The following DIS3L2 variants were observed in gnomAD, a reference collection of about 807,000 sequenced individuals.
The protein encoded by DIS3L2 is DIS3 like 3'-5' exoribonuclease 2.
Under a neutral mutation model 97.5 loss-of-function variants are expected in DIS3L2, and 34 were observed. That is an observed-to-expected ratio of 0.35 (90% CI 0.27 to 0.46). The LOEUF (loss-of-function observed/expected upper bound fraction) is 0.46, where lower values mean the gene tolerates loss of function less well. Among genes scored for constraint, DIS3L2 ranks in the 20% least tolerant of loss-of-function variants. The probability of loss-of-function intolerance (pLI) is 1.00; values close to 1 mark genes in which losing one functional copy is unlikely to be tolerated. For synonymous variants in DIS3L2, 435 were observed against 445.2 expected (o/e 0.98, Z 0.29); for missense variants, 1,038 against 1,146.0 (o/e 0.91, Z 1.36).
Position 231,966,641 on chromosome 2 carries a change from A to ATTTTTTTTTTTTTT in DIS3L2, c.-94+4897_-94+4910dup, listed in dbSNP as rs36151054. Among the ~76,000 whole-genome samples, 30 of 50,388 alleles carry ATTTTTTTTTTTTTT rather than the reference A, an allele frequency of 6.0e-4. 1 individual carries two copies. Among genetic ancestry groups the ATTTTTTTTTTTTTT allele is most frequent in the Non-Finnish European group, 7.5e-4 (21 of 27,938 alleles). The allele number at this position is 50,388 out of a possible 152,430, so 33.1% of individuals were successfully genotyped here. ...CACCATGCCCAGCTAGTTAAAAAAC[A>ATTTTTTTTTTTTTT]TTTTTTTTTTTTTTTTTTTTTTTTT... On this transcript the variant is annotated intron_variant, in intron 1 of 20. Coordinates refer to ENST00000325385, the MANE Select transcript of DIS3L2 (RefSeq NM_152383.5).
chr2:232,254,765 T>C (rs775139745), intron 12 of DIS3L2, among the ~76,000 whole-genome samples: 1 of 152,218 alleles, frequency 6.6e-6, no homozygotes, highest in Non-Finnish European at 1.5e-5. Flanking sequence ...AGGTAGTGTC[T>C]GGTGCCCAGG....
rs564154963 is a variant in DIS3L2, at chr2:232,015,021, C to CTGAA, written c.52+43_52+46dup. The CTGAA allele has an allele frequency of 1.1e-4, 180 of 1,607,882 alleles. 1 individual carries two copies. The South Asian group carries it at 1.7e-3, about 15-fold the overall frequency. ...GGAGTCTGCCTGAATAACTGGAGAA[C>CTGAA]TGAAATGAAAGTGGAATGGGTGTGA... On this transcript the variant is annotated intron_variant, in intron 2 of 20. Transcript: ENST00000325385.
At chr2:231,982,605 A>G (rs988919369) in intron 1 of DIS3L2, among the ~76,000 whole-genome samples, 1 of 151,610 alleles carries the variant, frequency 6.6e-6, no homozygotes, top group Admixed American at 6.6e-5. Context: ...TCTTTTTTCT[A>G]TTGATCTGAA....
chr2:231,981,596 T>TTTTA (rs1559512307), intron 1 of DIS3L2, among the ~76,000 whole-genome samples: 1 of 48,004 alleles, frequency 2.1e-5, no homozygotes, highest in Admixed American at 3.1e-4. Flanking sequence ...CTGTTAAGTA[T>TTTTA]TTTATATATA....
intron 6 of DIS3L2, among the ~76,000 whole-genome samples, chr2:232,095,964 CTCTTT>C (rs139671611): frequency 0.011 from 1,696 of 151,726 alleles, 18 homozygotes; most frequent in Non-Finnish European, 0.016. Flanking sequence ...TTGTTTCTCT[CTCTTT>C]TCTTTTCTTT....
At chr2:231,962,788 A>G (rs1692605564) in intron 1 of DIS3L2, among the ~76,000 whole-genome samples, 1 of 152,118 alleles carries the variant, frequency 6.6e-6, no homozygotes, top group Non-Finnish European at 1.5e-5. Flanking sequence ...TCCCACTTGT[A>G]AGTGTGCTCA....
intron 7 of DIS3L2, among the ~76,000 whole-genome samples, chr2:232,135,331 G>C (rs752187773): frequency 1.1e-3 from 164 of 152,234 alleles, no homozygotes; most frequent in Middle Eastern, 6.8e-3. Flanking sequence ...GAAGAGTAAA[G>C]GTCTGGGTGT....
intron 13 of DIS3L2, among the ~76,000 whole-genome samples, chr2:232,286,161 C>A (rs1650716549): frequency 6.6e-6 from 1 of 152,168 alleles, no homozygotes; most frequent in Non-Finnish European, 1.5e-5. Flanking sequence ...CATCTGTTGA[C>A]CCAGCAGGGC....
chr2:231,993,053 G>A (rs1693628073), intron 1 of DIS3L2, among the ~76,000 whole-genome samples: 1 of 152,082 alleles, frequency 6.6e-6, no homozygotes, highest in Non-Finnish European at 1.5e-5. Flanking sequence ...TTTGCTGTCA[G>A]CCCAGATGTT....
intron 8 of DIS3L2, among the ~76,000 whole-genome samples, chr2:232,156,446 CCTT>C (rs1447576905): frequency 6.6e-6 from 1 of 150,606 alleles, no homozygotes; most frequent in African/African-American, 2.4e-5. Flanking sequence ...ATTGTTTTGT[CCTT>C]CTGCCATTTC....
At chr2:232,078,118 A>G (rs1696271359) in intron 5 of DIS3L2, among the ~76,000 whole-genome samples, 1 of 149,394 alleles carries the variant, frequency 6.7e-6, no homozygotes, top group African/African-American at 2.5e-5. Context: ...ATCTTGGCTC[A>G]CTGCAACCAC....
intron 14 of DIS3L2, among the ~76,000 whole-genome samples, chr2:232,316,588 G>T (rs1488197842): frequency 6.6e-6 from 1 of 152,154 alleles, no homozygotes; most frequent in Non-Finnish European, 1.5e-5. Context: ...GGGAGGAAAG[G>T]CTCTGAGTGA....
At position 232,334,455 on chromosome 2, in the gene DIS3L2, G is replaced by A. The variant is rs755574750; in HGVS notation, c.2245G>A (p.Val749Met). The A allele has an allele frequency of 7.5e-5, 121 of 1,613,814 alleles. No individual in the cohort carries two copies. The highest frequency in any genetic ancestry group is 2.2e-4 in the South Asian group (20 of 91,090). The change falls in exon 18 of 21, where the codon GTG becomes ATG. Residue 749 changes from valine (V) to methionine (M), a missense_variant. Physicochemically the swap from Val to Met is conservative, Grantham distance 21 (BLOSUM62 1). Transcript: ENST00000325385. Reference protein sequence around the residue: ...CNDRRMASKRVQELSTSLFFA... With the variant: ...CNDRRMASKRMQELSTSLFFA... ...CGACCGCCGCATGGCGTCCAAGCGCGTGCAGGAGCTCAGTACCAGTCTCTT... is the reference window on the plus strand; with the variant it reads ...CGACCGCCGCATGGCGTCCAAGCGCATGCAGGAGCTCAGTACCAGTCTCTT...
At chr2:232,049,391 A>C (rs981716140) in intron 5 of DIS3L2, among the ~76,000 whole-genome samples, 62 of 152,170 alleles carry the variant, frequency 4.1e-4, no homozygotes, top group Admixed American at 1.3e-4. Context: ...CAAATGCACC[A>C]GCGTTGGGAG....
chr2:232,214,367 C>T (rs9941679), intron 10 of DIS3L2, among the ~76,000 whole-genome samples: 1,985 of 152,254 alleles, frequency 0.013, 47 homozygotes, highest in African/African-American at 0.046. Flanking sequence ...GAAATCCTTC[C>T]CTGTAATGAT....
intron 11 of DIS3L2, among the ~76,000 whole-genome samples, chr2:232,247,866 A>G (rs1267484770): frequency 5.3e-5 from 8 of 152,256 alleles, no homozygotes. Flanking sequence ...AAGAAAATAT[A>G]GTATTGTCTG....
At chr2:232,273,082 A>G (rs1694048476) in intron 13 of DIS3L2, among the ~76,000 whole-genome samples, 1 of 152,042 alleles carries the variant, frequency 6.6e-6, no homozygotes, top group South Asian at 2.1e-4. Context: ...TTCTAGGTTC[A>G]CCTTTTGAAG....
chr2:232,072,759 G>A (rs559353892), intron 5 of DIS3L2, among the ~76,000 whole-genome samples: 155 of 150,602 alleles, frequency 1.0e-3, no homozygotes, highest in African/African-American at 3.7e-3. Context: ...GAGCTGACAA[G>A]ATCAGCTGAC....
chr2:232,113,212 T>C lies in DIS3L2; in HGVS notation c.602-17407T>C, dbSNP rs528582221. Among the ~76,000 whole-genome samples the C allele has an allele frequency of 2.6e-5, 4 of 152,336 alleles. No homozygotes were observed. In the East Asian group the frequency reaches 7.7e-4, roughly 29 times the overall value. On this transcript the variant is annotated intron_variant, in intron 6 of 20. Transcript: ENST00000325385. ...TTCAAAAGAAAAACTATAATACACC[T>C]GTTCCTAGCTGTCCTTGAGTTTTTC...
Sources: gnomAD v4.1 joint callset for allele counts (sites outside exome capture counted in the v4.1 genomes callset) on GRCh38, gnomAD v4.1.1 for gene constraint, MANE v1.5 for transcripts, NCBI Gene and HGNC (gene_info 2026-07-23, HGNC 2026-07-21) for gene names.